The following NNT variants were observed in gnomAD, a reference collection of about 807,000 sequenced individuals.
NNT encodes NAD(P) transhydrogenase, mitochondrial.
In NNT, 50 loss-of-function variants were observed where a neutral mutation model predicts 104.8. That is an observed-to-expected ratio of 0.48 (90% CI 0.38 to 0.60). The LOEUF (loss-of-function observed/expected upper bound fraction) is 0.60, where lower values mean the gene tolerates loss of function less well. Ranked by LOEUF, NNT falls within the 20% of genes least tolerant of loss-of-function variation. The pLI, the probability that NNT is intolerant of heterozygous loss-of-function variation, is 0.00. For synonymous variants in NNT, 461 were observed against 490.4 expected, an observed-to-expected ratio of 0.94 and a Z score of 0.79; for missense variants, 1,131 against 1,330.7, an observed-to-expected ratio of 0.85 and a Z score of 2.33.
chr5:43,659,260 A>G lies in NNT; in HGVS notation c.2544A>G (p.Ala848=), dbSNP rs200363795. 113 of 1,614,068 alleles carry G rather than the reference A, an allele frequency of 7.0e-5. 2 individuals carry two copies. In the East Asian group the frequency reaches 2.3e-3, roughly 33 times the overall value. ...GCTACTCAGGCTGGGCCCTGTGTGC[A>G]GAGGGCTTCCTGCTCAACAACAATC... ...LNSYSGWALC[A]EGFLLNNNLL... is the part of the protein sequence containing the mutation. Residue 848 remains alanine (A), a synonymous_variant, in exon 17 of 22, where the codon GCA becomes GCG. Transcript: ENST00000344920.
intron 19 of NNT, among the ~76,000 whole-genome samples, chr5:43,692,406 C>G (rs370529355): frequency 7.2e-5 from 11 of 152,188 alleles, no homozygotes; most frequent in East Asian, 5.8e-4. Context: ...TCACTGCCAC[C>G]TCCGCCTCCC....
At chr5:43,647,959 A>G (rs1739542739) in intron 10 of NNT, 1 of 488,818 alleles carries the variant, frequency 2.0e-6, no homozygotes, top group Non-Finnish European at 3.9e-6. Context: ...TTACCTATGA[A>G]GACACTGAAG....
chr5:43,692,785 T>C (rs1580125402), intron 19 of NNT, among the ~76,000 whole-genome samples: 1 of 152,240 alleles, frequency 6.6e-6, no homozygotes, highest in African/African-American at 2.4e-5. Flanking sequence ...GTTATCAGTA[T>C]TGATTCCTGG....
chr5:43,649,068 C>T, intron 10 of NNT, 79 bp from the exon 11 acceptor site: 2 of 1,467,102 alleles, frequency 1.4e-6, no homozygotes, highest in Non-Finnish European at 1.9e-6. Context: ...GGCTATTCCA[C>T]ATATTTATGT....
intron 16 of NNT, 76 bp from the exon 17 acceptor site, chr5:43,659,095 A>G: frequency 2.2e-6 from 3 of 1,382,442 alleles, no homozygotes; most frequent in Non-Finnish European, 2.9e-6. Flanking sequence ...AGAATAATTA[A>G]GGAGCAAAAT....
At chr5:43,638,487 T>C (rs1751052193) in intron 7 of NNT, among the ~76,000 whole-genome samples, 1 of 152,162 alleles carries the variant, frequency 6.6e-6, no homozygotes, top group Non-Finnish European at 1.5e-5. Flanking sequence ...CTTTACCTGC[T>C]CTATTTTACA....
intron 19 of NNT, among the ~76,000 whole-genome samples, chr5:43,697,466 C>G (rs143909607): frequency 2.5e-3 from 377 of 152,324 alleles, no homozygotes; most frequent in African/African-American, 8.7e-3. Context: ...TCTGAGCCCT[C>G]TAAACTGTTC....
chr5:43,700,244 G>T lies in NNT; in HGVS notation c.2995+7G>T. 2 of 1,590,294 alleles carry T rather than the reference G, an allele frequency of 1.3e-6. No individual in the cohort carries two copies. The highest frequency in any genetic ancestry group is 1.7e-6 in the Non-Finnish European group (2 of 1,159,332). The stretch of plus-strand genomic sequence containing the variant: ...ATCAACCATGATTTTCCAGGTAAGT[G>T]GTGGGGGCAATTGTGAAGTTTAAAT... On this transcript the variant is annotated splice_region_variant and intron_variant, in intron 20 of 21. Coordinates refer to ENST00000344920, the MANE Select transcript of NNT (RefSeq NM_182977.3).
chr5:43,654,187 A>G (rs781078932), intron 14 of NNT, among the ~76,000 whole-genome samples: 1 of 152,230 alleles, frequency 6.6e-6, no homozygotes, highest in Non-Finnish European at 1.5e-5. Context: ...GCTGTGGTAC[A>G]TCTCTTTCCA....
At chr5:43,635,621 T>C (rs1750892010) in intron 7 of NNT, among the ~76,000 whole-genome samples, 1 of 152,156 alleles carries the variant, frequency 6.6e-6, no homozygotes, top group Non-Finnish European at 1.5e-5. Context: ...GATAGATGTA[T>C]AAGGTCAATG....
At chr5:43,607,555 G>T (rs1267814117) in intron 1 of NNT, among the ~76,000 whole-genome samples, 11 of 152,154 alleles carry the variant, frequency 7.2e-5, no homozygotes, top group African/African-American at 2.7e-4. Flanking sequence ...AAACAGCCTT[G>T]TTGCTCACAC....
chr5:43,603,552 G>A (rs1455297599), intron 1 of NNT, among the ~76,000 whole-genome samples: 2 of 152,296 alleles, frequency 1.3e-5, no homozygotes, highest in African/African-American at 2.4e-5. Context: ...GATGTCGAAG[G>A]GAGTGGGCTG....
chr5:43,615,837 T>G lies in NNT; in HGVS notation c.382-11T>G. 6.3e-7 allele frequency: 1 copy of G among 1,579,714 alleles called. No homozygotes were observed. Among genetic ancestry groups the G allele is most frequent in the Non-Finnish European group, 8.6e-7 (1 of 1,166,178 alleles). On this transcript the variant is annotated splice_polypyrimidine_tract_variant and intron_variant, in intron 3 of 21. Transcript: ENST00000344920. ...TTATATTTATAATCTGTGACTTGATTTTTTCCCCAGGTGCGAGCCCCTATG... is the reference window on the plus strand; with the variant it reads ...TTATATTTATAATCTGTGACTTGATGTTTTCCCCAGGTGCGAGCCCCTATG...
chr5:43,687,936 A>C (rs1742067156), intron 19 of NNT, among the ~76,000 whole-genome samples: 1 of 152,204 alleles, frequency 6.6e-6, no homozygotes. Flanking sequence ...AACAGTATTA[A>C]AAACAAATAA....
At chr5:43,619,501 C>A (rs2111606979) in intron 5 of NNT, among the ~76,000 whole-genome samples, 1 of 152,118 alleles carries the variant, frequency 6.6e-6, no homozygotes, top group East Asian at 1.9e-4. Flanking sequence ...TTTTTGGTTT[C>A]TTCACTTCTT....
At chr5:43,656,246 C>T (rs1740038131) in intron 15 of NNT, among the ~76,000 whole-genome samples, 173 bp downstream of exon 15, 1 of 152,026 alleles carries the variant, frequency 6.6e-6, no homozygotes, top group South Asian at 2.1e-4. Context: ...TCAAGACCAG[C>T]CTGGGCAACA....
Position 43,677,774 on chromosome 5 carries a change from A to G in NNT, c.2844A>G (p.Val948=). The change falls in exon 19 of 22, where the codon GTA becomes GTG. Residue 948 remains valine (V), a synonymous_variant. Transcript: ENST00000344920. The stretch of plus-strand genomic sequence containing the variant: ...CTCAATACCCCATTGCTGATTTGGT[A>G]AAGATGCTCACTGAGCAAGGCAAAA... ...AKAQYPIADL[V]KMLTEQGKKV... is the part of the protein sequence containing the mutation. 1 of 1,613,742 alleles carries G rather than the reference A, an allele frequency of 6.2e-7. No individual in the cohort carries two copies. The highest frequency in any genetic ancestry group is 8.5e-7 in the Non-Finnish European group (1 of 1,179,704).
At position 43,614,420 on chromosome 5, in the gene NNT, G is replaced by A. The variant is rs147096746; in HGVS notation, c.381+1283G>A. Among the ~76,000 whole-genome samples, 524 of 152,260 alleles carry A rather than the reference G, an allele frequency of 3.4e-3. 2 individuals carry two copies. Among genetic ancestry groups the A allele is most frequent in the Non-Finnish European group, 4.4e-3 (296 of 68,014 alleles). ...TGGCTTGACTTACTCAGATGACAGCGGTCTCAGCTGAGCATTTGATAGGGG... is the reference window on the plus strand; with the variant it reads ...TGGCTTGACTTACTCAGATGACAGCAGTCTCAGCTGAGCATTTGATAGGGG... On this transcript the variant is annotated intron_variant, in intron 3 of 21. Transcript: ENST00000344920.
Position 43,663,125 on chromosome 5 carries a change from T to C in NNT, c.2634+3775T>C, listed in dbSNP as rs1010988879. Among the ~76,000 whole-genome samples, 15 of 152,268 alleles carry C rather than the reference T, an allele frequency of 9.9e-5. No homozygotes were observed. The South Asian group carries it at 3.1e-3, about 32-fold the overall frequency. ...TAATTAATGTTTAATTTTCTAATAA[T>C]TTTTAGCTCCTAGTATTATAGCAAA... On this transcript the variant is annotated intron_variant, in intron 17 of 21. Transcript: ENST00000344920.
Sources: allele counts gnomAD v4.1 joint callset (sites outside exome capture counted in the v4.1 genomes callset), GRCh38; gene constraint gnomAD v4.1.1; transcripts MANE v1.5; gene names NCBI Gene and HGNC (gene_info 2026-07-23, HGNC 2026-07-21).